The following GPHN variants were observed in gnomAD, a reference collection of about 807,000 sequenced individuals.
The protein encoded by GPHN is gephyrin.
GPHN carries 17 observed loss-of-function variants against 95.5 expected under a neutral mutation model. The ratio of observed to expected loss-of-function variants is 0.18; its 90% CI spans 0.12 to 0.27. The LOEUF is 0.27. GPHN is among the 10% of genes least tolerant of loss of function. The pLI is 1.00. For synonymous variants in GPHN, 320 were observed against 322.5 expected (o/e 0.99, Z 0.08); for missense variants, 660 against 978.1 (o/e 0.67, Z 4.34).
At chr14:66,711,018 G>C (rs372582752) in intron 2 of GPHN, among the ~76,000 whole-genome samples, 94 of 152,140 alleles carry the variant, frequency 6.2e-4, no homozygotes, top group Admixed American at 2.3e-3. Flanking sequence ...AAATTTTATT[G>C]TACAAATTTG....
intron 1 of GPHN, among the ~76,000 whole-genome samples, chr14:66,511,136 C>G (rs891422349): frequency 2.6e-5 from 4 of 152,080 alleles, no homozygotes; most frequent in African/African-American, 9.7e-5. Flanking sequence ...AAGTCTGTAA[C>G]TAGTGGGTTT....
intron 9 of GPHN, among the ~76,000 whole-genome samples, chr14:66,979,024 G>A (rs1256047645): frequency 6.6e-6 from 1 of 152,168 alleles, no homozygotes; most frequent in East Asian, 1.9e-4. Context: ...TTTTGTCTAA[G>A]CAGTGGATTT....
intron 4 of GPHN, among the ~76,000 whole-genome samples, chr14:66,826,114 T>C (rs982306032): frequency 2.6e-5 from 4 of 152,306 alleles, no homozygotes; most frequent in African/African-American, 9.6e-5. Flanking sequence ...TAGAAAAAAT[T>C]TCACCAGAAA....
At chr14:67,230,193 CTATTTG>C in the GPHN span, among the ~76,000 whole-genome samples, 1 of 152,184 alleles carries the variant, frequency 6.6e-6, no homozygotes, top group African/African-American at 2.4e-5. Context: ...TTATAACTTT[CTATTTG>C]TATCTAGCAA....
At chr14:67,212,346 C>G in the GPHN span, among the ~76,000 whole-genome samples, 1 of 151,878 alleles carries the variant, frequency 6.6e-6, no homozygotes, top group African/African-American at 2.4e-5. Flanking sequence ...GTGTCTCACA[C>G]CTGTAATCCC....
At chr14:66,838,464 A>G (rs2061948663) in intron 4 of GPHN, among the ~76,000 whole-genome samples, 1 of 152,124 alleles carries the variant, frequency 6.6e-6, no homozygotes, top group Non-Finnish European at 1.5e-5. Flanking sequence ...GACATGTTAA[A>G]TCCTTGTTTT....
At chr14:66,582,430 A>G (rs1247683729) in intron 1 of GPHN, among the ~76,000 whole-genome samples, 1 of 152,014 alleles carries the variant, frequency 6.6e-6, no homozygotes, top group African/African-American at 2.4e-5. Flanking sequence ...CATGTGCACA[A>G]TGTGCAGGTT....
chr14:67,502,759 G>T, the GPHN span, among the ~76,000 whole-genome samples: 3 of 152,232 alleles, frequency 2.0e-5, no homozygotes, highest in Non-Finnish European at 4.4e-5. Context: ...GCCCCAGAAG[G>T]TGATTTCTAA....
chr14:66,837,994 C>A (rs1006687690), intron 4 of GPHN, among the ~76,000 whole-genome samples: 3 of 151,958 alleles, frequency 2.0e-5, no homozygotes, highest in Non-Finnish European at 4.4e-5. Flanking sequence ...TAGTGTTGCC[C>A]ATATAACCTT....
chr14:67,689,865 A>C, the GPHN span, among the ~76,000 whole-genome samples: 10 of 152,022 alleles, frequency 6.6e-5, no homozygotes, highest in Non-Finnish European at 1.5e-4. Context: ...AATCACTTGA[A>C]CCTGGGAAGT....
the GPHN span, among the ~76,000 whole-genome samples, chr14:67,397,081 G>A: frequency 1.5e-5 from 2 of 131,836 alleles, no homozygotes; most frequent in Non-Finnish European, 3.0e-5. Context: ...TGGGATTACA[G>A]GCCACTGCGA....
At chr14:66,659,348 T>G (rs964318989) in intron 1 of GPHN, among the ~76,000 whole-genome samples, 1 of 152,108 alleles carries the variant, frequency 6.6e-6, no homozygotes, top group African/African-American at 2.4e-5. Context: ...TTGATTTTTC[T>G]TTTAAGATAC....
the GPHN span, among the ~76,000 whole-genome samples, chr14:67,244,865 CAGATGACTTT>C: frequency 6.6e-6 from 1 of 152,244 alleles, no homozygotes; most frequent in African/African-American, 2.4e-5. Context: ...GGTTGCTAAT[CAGATGACTTT>C]AGGGAGATTA....
intron 1 of GPHN, among the ~76,000 whole-genome samples, chr14:66,537,144 T>G (rs1173694481): frequency 1.3e-5 from 2 of 152,164 alleles, no homozygotes; most frequent in African/African-American, 4.8e-5. Flanking sequence ...TTACAGTATA[T>G]CTCTTGGAAA....
the GPHN span, chr14:67,360,801 C>T: frequency 1.3e-5 from 2 of 152,250 alleles, no homozygotes; most frequent in Admixed American, 1.3e-4. Flanking sequence ...TTAACCCCGG[C>T]TCAGGACGCT....
chr14:67,512,168 A>G, the GPHN span, among the ~76,000 whole-genome samples: 1 of 152,208 alleles, frequency 6.6e-6, no homozygotes, highest in South Asian at 2.1e-4. Context: ...TCCCCAACAC[A>G]TGCATTCTCA....
intron 4 of GPHN, among the ~76,000 whole-genome samples, chr14:66,868,563 T>G (rs942952380): frequency 1.3e-5 from 2 of 151,992 alleles, no homozygotes; most frequent in Non-Finnish European, 2.9e-5. Context: ...CGGGCTAATT[T>G]TTGTATTTTT....
chr14:66,682,171 A>T (rs1460583479), intron 2 of GPHN, among the ~76,000 whole-genome samples: 1 of 152,206 alleles, frequency 6.6e-6, no homozygotes, highest in Non-Finnish European at 1.5e-5. Context: ...TGAGTTCAGA[A>T]TGCATTTCCA....
chr14:66,511,170 T>C (rs1036055982), intron 1 of GPHN, among the ~76,000 whole-genome samples: 6 of 152,302 alleles, frequency 3.9e-5, no homozygotes, highest in Middle Eastern at 3.4e-3. Flanking sequence ...TTAATTTCTG[T>C]GGTCTTGCCT....
Sources: gnomAD v4.1 joint callset for allele counts (sites outside exome capture counted in the v4.1 genomes callset) on GRCh38, gnomAD v4.1.1 for gene constraint, MANE v1.5 for transcripts, NCBI Gene and HGNC (gene_info 2026-07-23, HGNC 2026-07-21) for gene names.